The following DOCK4 variants were observed in gnomAD, a reference collection of about 807,000 sequenced individuals.
DOCK4 encodes the protein dedicator of cytokinesis protein 4.
Under a neutral mutation model 268.1 loss-of-function variants are expected in DOCK4, and 97 were observed. That is an observed-to-expected ratio of 0.36 (90% CI 0.31 to 0.43). The LOEUF is 0.43. DOCK4 is among the 20% of genes least tolerant of loss of function. The pLI, the probability that DOCK4 is intolerant of heterozygous loss-of-function variation, is 1.00. For missense variants in DOCK4, 2,145 were observed against 2,455.7 expected, an observed-to-expected ratio of 0.87 and a Z score of 2.67; for synonymous variants, 954 against 887.2, an observed-to-expected ratio of 1.08 and a Z score of -1.34.
rs1821408762 is a variant in DOCK4, at chr7:112,206,343, C to T, written c.-205G>A. ...CCCGCAGCTCTCCCGGCGGCGGCTG[C>T]TCACAGTCCTCCGACGCGCTCCCGG... On this transcript the variant is annotated 5_prime_UTR_variant, in exon 1 of 53. Transcript: ENST00000428084. 3 of 602,262 alleles carry T rather than the reference C, an allele frequency of 5.0e-6. No individual in the cohort carries two copies. The highest frequency in any genetic ancestry group is 8.7e-6 in the Non-Finnish European group (3 of 344,644). The allele number at this position is 602,262 out of a possible 1,614,324, so 37.3% of individuals were successfully genotyped here.
At chr7:112,001,915 C>A (rs558824848) in intron 2 of DOCK4, among the ~76,000 whole-genome samples, 1 of 152,156 alleles carries the variant, frequency 6.6e-6, no homozygotes. Context: ...TTTTGCAGCA[C>A]TATCCTTACA....
chr7:111,930,331 A>C (rs1554378787), intron 12 of DOCK4, among the ~76,000 whole-genome samples: 1 of 152,238 alleles, frequency 6.6e-6, no homozygotes, highest in Non-Finnish European at 1.5e-5. Flanking sequence ...CTTAGGTTAG[A>C]GGGGAAAAAA....
intron 5 of DOCK4, among the ~76,000 whole-genome samples, chr7:111,993,711 T>C (rs1381529216): frequency 6.6e-6 from 1 of 152,224 alleles, no homozygotes; most frequent in Non-Finnish European, 1.5e-5. Flanking sequence ...TTCTTTTCTC[T>C]AGTATATTTA....
Position 111,765,151 on chromosome 7 carries a change from T to A in DOCK4, c.3987A>T (p.Gly1329=), listed in dbSNP as rs781291477. ...QRLEPEFFRV[G]FYGKKFPFFL... ...AAAATGGAAATTTTTTTCCATAAAA[T>A]CCAACTCTGAAGAACTCTGGTTCAA... Residue 1329 remains glycine (G), a synonymous_variant, in exon 39 of 53, where the codon GGA becomes GGT. Coordinates refer to ENST00000428084, the MANE Select transcript of DOCK4 (RefSeq NM_001363540.2). 4 of 1,541,042 alleles carry A rather than the reference T, an allele frequency of 2.6e-6. No homozygotes were observed. Among genetic ancestry groups the A allele is most frequent in the Non-Finnish European group, 3.5e-6 (4 of 1,146,930 alleles).
At chr7:111,805,536 G>T (rs1025048341) in intron 30 of DOCK4, among the ~76,000 whole-genome samples, 1 of 152,198 alleles carries the variant, frequency 6.6e-6, no homozygotes, top group African/African-American at 2.4e-5. Context: ...AACATAAGCA[G>T]TTCTAGGTCT....
intron 10 of DOCK4, 33 bp from the exon 11 acceptor site, chr7:111,940,275 G>C: frequency 6.2e-7 from 1 of 1,613,498 alleles, no homozygotes; most frequent in Non-Finnish European, 8.5e-7. Context: ...TTAACCCATG[G>C]AGCCATTTGA....
At chr7:112,119,688 G>A (rs1812543384) in intron 1 of DOCK4, among the ~76,000 whole-genome samples, 1 of 152,128 alleles carries the variant, frequency 6.6e-6, no homozygotes, top group South Asian at 2.1e-4. Context: ...CCACCCTTCT[G>A]TGGCCTTGGG....
chr7:111,740,924 G>A (rs1342883778), intron 47 of DOCK4, among the ~76,000 whole-genome samples, 170 bp downstream of exon 47: 2 of 151,878 alleles, frequency 1.3e-5, no homozygotes, highest in African/African-American at 2.4e-5. Context: ...TAAGAGAAAC[G>A]TCTTTGTAGA....
chr7:112,102,285 GTAAGTGAC>G (rs1260297098), intron 1 of DOCK4, among the ~76,000 whole-genome samples: 5 of 152,094 alleles, frequency 3.3e-5, no homozygotes, highest in Non-Finnish European at 7.3e-5. Context: ...AGATTAATGA[GTAAGTGAC>G]TAAGAAACAC....
chr7:111,813,415 C>T (rs1801289215), intron 27 of DOCK4, among the ~76,000 whole-genome samples: 1 of 152,128 alleles, frequency 6.6e-6, no homozygotes, highest in Admixed American at 6.5e-5. Flanking sequence ...ACTATTATAG[C>T]TTTCTTGTGG....
At chr7:111,849,497 A>G (rs1804377664) in intron 23 of DOCK4, among the ~76,000 whole-genome samples, 3 of 152,078 alleles carry the variant, frequency 2.0e-5, no homozygotes, top group African/African-American at 7.2e-5. Flanking sequence ...TCCTGACCTC[A>G]GGTGATCCAC....
At chr7:111,960,523 CTTTTTTTTT>C (rs753880464) in intron 8 of DOCK4, among the ~76,000 whole-genome samples, 1 of 78,488 alleles carries the variant, frequency 1.3e-5, no homozygotes, top group Non-Finnish European at 2.3e-5. Context: ...ACCTCATGTG[CTTTTTTTTT>C]TTTTTTTTTT....
intron 8 of DOCK4, among the ~76,000 whole-genome samples, chr7:111,957,965 T>A (rs1343692307): frequency 6.6e-6 from 1 of 152,198 alleles, no homozygotes; most frequent in Non-Finnish European, 1.5e-5. Flanking sequence ...CAAATGATGT[T>A]TCCCCAGAGA....
chr7:111,784,068 A>C, intron 33 of DOCK4, 29 bp downstream of exon 33: 1 of 1,580,294 alleles, frequency 6.3e-7, no homozygotes, highest in Non-Finnish European at 8.6e-7. Context: ...ACATCTCACA[A>C]GTAGCACAAT....
intron 1 of DOCK4, among the ~76,000 whole-genome samples, chr7:112,174,646 T>C (rs1818348074): frequency 6.6e-6 from 1 of 152,140 alleles, no homozygotes; most frequent in Non-Finnish European, 1.5e-5. Context: ...TTATTGTTAC[T>C]ATTTTAATTA....
chr7:111,797,625 A>G (rs1799991351), intron 30 of DOCK4, among the ~76,000 whole-genome samples: 1 of 152,202 alleles, frequency 6.6e-6, no homozygotes, highest in South Asian at 2.1e-4. Flanking sequence ...CTGGGAGGGA[A>G]GCAGTTCCAG....
In DOCK4 at chr7:112,000,532, A is replaced by G; in HGVS notation, c.124T>C (p.Trp42Arg). The change falls in exon 3 of 53, where the codon TGG (tryptophan) becomes CGG (arginine). Residue 42 changes from tryptophan (W) to arginine (R), a missense_variant and splice_region_variant. This residue lies in a region of DOCK4 where 1,598 missense variants were observed against 1,986.7 expected (regional missense o/e 0.80). Coordinates refer to ENST00000428084, the MANE Select transcript of DOCK4 (RefSeq NM_001363540.2). ...TTTTTTAAGGCAAATCCTCTGTACC[A>G]GCCTGTGGAAAAATAATCATGGTCA... ...TVQILEKCDG[W>R]YRGFALKNPN... 6.5e-7 allele frequency: 1 copy of G among 1,548,502 alleles called. No homozygotes were observed. The highest frequency in any genetic ancestry group is 8.8e-7 in the Non-Finnish European group (1 of 1,139,636).
At chr7:111,782,201 A>G (rs542059231) in intron 35 of DOCK4, among the ~76,000 whole-genome samples, 2 of 152,292 alleles carry the variant, frequency 1.3e-5, no homozygotes, top group East Asian at 3.9e-4. Context: ...TTTAATAGTT[A>G]GTTATGTGAC....
At chr7:111,936,568 T>A (rs994714504) in intron 11 of DOCK4, among the ~76,000 whole-genome samples, 1 of 152,126 alleles carries the variant, frequency 6.6e-6, no homozygotes, top group African/African-American at 2.4e-5. Context: ...TAACTCATAA[T>A]GATTTGTAAG....
Sources: gnomAD v4.1 joint callset for allele counts (sites outside exome capture counted in the v4.1 genomes callset) on GRCh38, gnomAD v4.1.1 for gene constraint, gnomAD v4.1.1 regional missense constraint, MANE v1.5 for transcripts, NCBI Gene and HGNC (gene_info 2026-07-23, HGNC 2026-07-21) for gene names.